The following TMEM45A variants were observed in gnomAD, a reference collection of about 807,000 sequenced individuals.
TMEM45A encodes the protein DNA polymerase-transactivated protein 4.
In TMEM45A, 25 loss-of-function variants were observed where a neutral mutation model predicts 32.0. That is an observed-to-expected ratio of 0.78 (90% CI 0.57 to 1.09). TMEM45A has a LOEUF of 1.09. Among genes scored for constraint, TMEM45A ranks in the 50% least tolerant of loss-of-function variants. The probability of loss-of-function intolerance (pLI) is 0.00; values close to 1 mark genes in which losing one functional copy is unlikely to be tolerated. For synonymous variants in TMEM45A, 122 were observed against 114.8 expected (o/e 1.06, Z -0.40); for missense variants, 302 against 325.0 (o/e 0.93, Z 0.54).
chr3:100,499,879 C>A (rs533806829), intron 1 of TMEM45A, among the ~76,000 whole-genome samples: 1 of 152,236 alleles, frequency 6.6e-6, no homozygotes, highest in East Asian at 1.9e-4. Context: ...AACAAACCAA[C>A]CAACCCCTAC....
chr3:100,544,626 A>G (rs1705949693), intron 1 of TMEM45A, among the ~76,000 whole-genome samples: 1 of 152,156 alleles, frequency 6.6e-6, no homozygotes, highest in Non-Finnish European at 1.5e-5. Flanking sequence ...AGTACCCTTT[A>G]GTGTCTGTTT....
At chr3:100,553,267 T>A (rs1341799244) in intron 1 of TMEM45A, among the ~76,000 whole-genome samples, 2 of 152,186 alleles carry the variant, frequency 1.3e-5, no homozygotes, top group Non-Finnish European at 2.9e-5. Flanking sequence ...ACTTAGATAA[T>A]CCAAATTCAA....
intron 1 of TMEM45A, among the ~76,000 whole-genome samples, chr3:100,552,885 G>T (rs946055531): frequency 1.3e-5 from 2 of 152,200 alleles, no homozygotes; most frequent in Non-Finnish European, 2.9e-5. Flanking sequence ...TGCAGTCAAG[G>T]AGTTCAATAA....
At chr3:100,555,815 T>C (rs1706210482) in intron 2 of TMEM45A, among the ~76,000 whole-genome samples, 2 of 152,218 alleles carry the variant, frequency 1.3e-5, no homozygotes, top group South Asian at 4.1e-4. Context: ...CTTCATGCTT[T>C]ATTCATGGCA....
At chr3:100,508,989 GCTT>G (rs1349696234) in intron 1 of TMEM45A, among the ~76,000 whole-genome samples, 1 of 152,164 alleles carries the variant, frequency 6.6e-6, no homozygotes, top group African/African-American at 2.4e-5. Context: ...AAACTAGAAA[GCTT>G]CTGTATAGCA....
intron 1 of TMEM45A, among the ~76,000 whole-genome samples, chr3:100,511,656 C>T (rs1466595993): frequency 6.7e-6 from 1 of 150,122 alleles, no homozygotes; most frequent in African/African-American, 2.4e-5. Context: ...ACTAAATGCT[C>T]CAATTAAAAG....
intron 1 of TMEM45A, among the ~76,000 whole-genome samples, chr3:100,531,150 A>G (rs755304247): frequency 7.2e-5 from 11 of 152,206 alleles, no homozygotes; most frequent in Non-Finnish European, 8.8e-5. Context: ...GCATTTATGC[A>G]TTGAAATATT....
At chr3:100,498,191 T>C (rs1559631724) in intron 1 of TMEM45A, among the ~76,000 whole-genome samples, 1 of 152,212 alleles carries the variant, frequency 6.6e-6, no homozygotes, top group Non-Finnish European at 1.5e-5. Flanking sequence ...TCTGCCATGA[T>C]TGTAAGTTTC....
intron 1 of TMEM45A, among the ~76,000 whole-genome samples, chr3:100,546,762 G>T (rs1488259974): frequency 1.3e-5 from 2 of 152,176 alleles, no homozygotes; most frequent in Non-Finnish European, 2.9e-5. Context: ...CCTACTCAAG[G>T]TACTTGACTG....
intron 4 of TMEM45A, 92 bp from the exon 5 acceptor site, chr3:100,568,726 CTTAG>C (rs1706494316): frequency 1.7e-6 from 2 of 1,166,232 alleles, no homozygotes; most frequent in East Asian, 2.4e-5. Flanking sequence ...TTGGAGTTAA[CTTAG>C]TTATTTACCT....
At chr3:100,522,109 T>C (rs1705447494) in intron 1 of TMEM45A, among the ~76,000 whole-genome samples, 2 of 151,334 alleles carry the variant, frequency 1.3e-5, no homozygotes, top group Admixed American at 6.6e-5. Context: ...GTGGGGGTAG[T>C]GGGCCCAGCT....
intron 1 of TMEM45A, among the ~76,000 whole-genome samples, chr3:100,528,993 G>A (rs1342054424): frequency 6.6e-6 from 1 of 152,178 alleles, no homozygotes; most frequent in Non-Finnish European, 1.5e-5. Flanking sequence ...TGGAAAGAAA[G>A]CACTGCAAAT....
intron 4 of TMEM45A, 91 bp downstream of exon 4, chr3:100,558,680 C>A: frequency 8.0e-7 from 1 of 1,245,440 alleles, no homozygotes. Context: ...GGAGACTTCC[C>A]TCCAACATAC....
intron 1 of TMEM45A, among the ~76,000 whole-genome samples, chr3:100,497,538 C>T (rs1707946659): frequency 6.6e-6 from 1 of 152,192 alleles, no homozygotes; most frequent in African/African-American, 2.4e-5. Flanking sequence ...AAACTTAATA[C>T]TCATTAAACA....
At chr3:100,525,072 T>C (rs1448929010) in intron 1 of TMEM45A, among the ~76,000 whole-genome samples, 5 of 151,874 alleles carry the variant, frequency 3.3e-5, no homozygotes, top group African/African-American at 1.2e-4. Flanking sequence ...CCTGTAGTCC[T>C]AGCTATTTGG....
At chr3:100,553,936 A>G (rs1008066594) in intron 1 of TMEM45A, among the ~76,000 whole-genome samples, 1 of 152,144 alleles carries the variant, frequency 6.6e-6, no homozygotes, top group Non-Finnish European at 1.5e-5. Context: ...CAGTTGTATC[A>G]GAGGGATGGA....
At chr3:100,505,156 C>T (rs1559633655) in intron 1 of TMEM45A, among the ~76,000 whole-genome samples, 1 of 152,122 alleles carries the variant, frequency 6.6e-6, no homozygotes, top group Non-Finnish European at 1.5e-5. Flanking sequence ...TTTGGTTAAA[C>T]AATTTCCTGG....
intron 1 of TMEM45A, among the ~76,000 whole-genome samples, chr3:100,510,320 C>G (rs533630138): frequency 1.3e-5 from 2 of 151,800 alleles, no homozygotes; most frequent in Non-Finnish European, 2.9e-5. Flanking sequence ...CCCTGACCCC[C>G]GAGCAGCCTA....
intron 1 of TMEM45A, among the ~76,000 whole-genome samples, chr3:100,515,644 A>C (rs185391349): frequency 0.068 from 10,208 of 149,814 alleles, 1,166 homozygotes; most frequent in African/African-American, 0.24. Context: ...AAAAAAAAAA[A>C]GAAAAGAACT....
Sources: allele counts gnomAD v4.1 joint callset (sites outside exome capture counted in the v4.1 genomes callset), GRCh38; gene constraint gnomAD v4.1.1; transcripts MANE v1.5; gene names NCBI Gene and HGNC (gene_info 2026-07-23, HGNC 2026-07-21).